Variants in CNTN4 observed in about 807,000 individuals in gnomAD.
CNTN4 encodes the protein contactin-4.
In CNTN4, 77 loss-of-function variants were observed where a neutral mutation model predicts 122.5. That is an observed-to-expected ratio of 0.63 (90% confidence interval 0.52 to 0.76). The LOEUF is 0.76. Ranked by LOEUF, CNTN4 falls within the 30% of genes least tolerant of loss-of-function variation. The pLI, the probability that CNTN4 is intolerant of heterozygous loss-of-function variation, is 0.00. For synonymous variants in CNTN4, 512 were observed against 447.0 expected (o/e 1.15, Z -1.83); for missense variants, 1,256 against 1,259.1 (o/e 1.00, Z 0.04).
At chr3:2,521,020 A>G (rs529687683) in intron 3 of CNTN4, among the ~76,000 whole-genome samples, 1 of 152,132 alleles carries the variant, frequency 6.6e-6, no homozygotes, top group Non-Finnish European at 1.5e-5. Context: ...CAAAAAGGAA[A>G]GGCAGTGTTC....
intron 4 of CNTN4, among the ~76,000 whole-genome samples, chr3:2,579,017 A>T (rs1052147482): frequency 6.6e-6 from 1 of 152,238 alleles, no homozygotes; most frequent in Non-Finnish European, 1.5e-5. Context: ...AAATAGAGGA[A>T]CTGGCAGCGA....
chr3:2,525,616 G>A (rs979585567), intron 3 of CNTN4, among the ~76,000 whole-genome samples: 1 of 152,144 alleles, frequency 6.6e-6, no homozygotes, highest in Non-Finnish European at 1.5e-5. Flanking sequence ...CATTTCTGCA[G>A]AATCTTGTCA....
At chr3:2,477,902 T>G (rs2075876843) in intron 3 of CNTN4, among the ~76,000 whole-genome samples, 1 of 152,190 alleles carries the variant, frequency 6.6e-6, no homozygotes, top group South Asian at 2.1e-4. Flanking sequence ...AATAAAAGGC[T>G]ATTAGTAGGC....
chr3:2,167,943 G>C (rs192051990), intron 2 of CNTN4, among the ~76,000 whole-genome samples: 17 of 152,262 alleles, frequency 1.1e-4, no homozygotes, highest in Admixed American at 5.9e-4. Context: ...GCGTTCAACA[G>C]ACCAAGCAAC....
intron 3 of CNTN4, among the ~76,000 whole-genome samples, chr3:2,347,483 G>C (rs1666333): frequency 0.91 from 134,187 of 147,826 alleles, 61,375 homozygotes; most frequent in East Asian, 1. Flanking sequence ...CATCTCGGCT[G>C]ACTGCAACCT....
chr3:2,311,755 G>A (rs2042923989), intron 2 of CNTN4, among the ~76,000 whole-genome samples: 1 of 152,096 alleles, frequency 6.6e-6, no homozygotes, highest in African/African-American at 2.4e-5. Context: ...ATAATACTTT[G>A]TAAACTGTAT....
At chr3:2,611,309 A>AAAAG (rs1337384686) in intron 4 of CNTN4, among the ~76,000 whole-genome samples, 1 of 138,086 alleles carries the variant, frequency 7.2e-6, no homozygotes, top group Non-Finnish European at 1.5e-5. Flanking sequence ...AAAAAAAAAA[A>AAAAG]AAAGAAAGAA....
chr3:2,544,393 A>G (rs1281303417), intron 3 of CNTN4, among the ~76,000 whole-genome samples: 1 of 152,138 alleles, frequency 6.6e-6, no homozygotes, highest in Admixed American at 6.6e-5. Context: ...AAAATAGTTG[A>G]ATAGAATATT....
intron 3 of CNTN4, among the ~76,000 whole-genome samples, chr3:2,470,317 C>T (rs2075641307): frequency 6.6e-6 from 1 of 152,136 alleles, no homozygotes; most frequent in Non-Finnish European, 1.5e-5. Context: ...CCTCATGATT[C>T]ACCCATGTTG....
At chr3:2,532,268 T>C (rs1054939089) in intron 3 of CNTN4, among the ~76,000 whole-genome samples, 2 of 152,104 alleles carry the variant, frequency 1.3e-5, no homozygotes, top group Admixed American at 1.3e-4. Context: ...TTTGTTTTTT[T>C]GAGAGACAGC....
intron 3 of CNTN4, among the ~76,000 whole-genome samples, chr3:2,441,545 G>A (rs1031840466): frequency 1.3e-5 from 2 of 152,188 alleles, no homozygotes; most frequent in African/African-American, 4.8e-5. Flanking sequence ...CTGCAGAGTA[G>A]CAGGTAATAA....
chr3:2,818,403 A>G (rs893398281), intron 6 of CNTN4, among the ~76,000 whole-genome samples: 1 of 152,194 alleles, frequency 6.6e-6, no homozygotes, highest in African/African-American at 2.4e-5. Flanking sequence ...TCATCATAAA[A>G]TACTTACCAA....
chr3:2,756,847 G>A (rs2090360474), intron 6 of CNTN4, among the ~76,000 whole-genome samples: 1 of 152,194 alleles, frequency 6.6e-6, no homozygotes, highest in Admixed American at 6.5e-5. Context: ...GCCCAGCACT[G>A]CTGACAACTT....
intron 13 of CNTN4, among the ~76,000 whole-genome samples, chr3:2,933,068 C>T (rs544399515): frequency 2.1e-4 from 32 of 152,108 alleles, no homozygotes; most frequent in Admixed American, 3.3e-4. Flanking sequence ...GTGATCCGCC[C>T]GCCTCGGCCT....
rs376399263 is a variant in CNTN4, at chr3:2,846,860, G to A, written c.455-19892G>A. ...AAAAATACAAAATTAGCTGGGTGTGGTGGTGCATGCCTATAATCCCAGCTA... is the reference window on the plus strand; with the variant it reads ...AAAAATACAAAATTAGCTGGGTGTGATGGTGCATGCCTATAATCCCAGCTA... On this transcript the variant is annotated intron_variant, in intron 7 of 24. Coordinates refer to ENST00000418658, the MANE Select transcript of CNTN4 (RefSeq NM_175607.3). Among the ~76,000 whole-genome samples, 30 of 152,262 alleles carry A rather than the reference G, an allele frequency of 2.0e-4. 2 individuals are homozygous for A. The highest frequency in any genetic ancestry group is 7.2e-4 in the African/African-American group (30 of 41,534).
At position 2,417,941 on chromosome 3, in the gene CNTN4, C is replaced by T. The variant is rs535464114; in HGVS notation, c.-89+78708C>T. Reference sequence around the variant, plus strand: ...TGACATTCTGGAAAAGGTAGAATGACTATGGGAAGAGTAAAAAGATCCGTG... The same window carrying T: ...TGACATTCTGGAAAAGGTAGAATGATTATGGGAAGAGTAAAAAGATCCGTG... On this transcript the variant is annotated intron_variant, in intron 3 of 24. Coordinates refer to ENST00000418658, the MANE Select transcript of CNTN4 (RefSeq NM_175607.3). Among the ~76,000 whole-genome samples, 31 of 152,184 alleles carry T rather than the reference C, an allele frequency of 2.0e-4. No individual in the cohort carries two copies. In the South Asian group the frequency reaches 6.2e-3, roughly 31 times the overall value.
intron 12 of CNTN4, among the ~76,000 whole-genome samples, chr3:2,909,086 A>G (rs11129338): frequency 0.57 from 86,534 of 152,088 alleles, 24,849 homozygotes; most frequent in East Asian, 0.69. Context: ...AGGGACTTTC[A>G]CAAGTGCTCA....
intron 6 of CNTN4, among the ~76,000 whole-genome samples, chr3:2,797,678 A>G (rs926996780): frequency 2.8e-4 from 43 of 152,194 alleles, no homozygotes; most frequent in Admixed American, 6.5e-5. Flanking sequence ...CTTTACTGCA[A>G]AGTTTTTTTG....
At chr3:2,614,349 G>A (rs150891640) in intron 4 of CNTN4, among the ~76,000 whole-genome samples, 2,376 of 152,258 alleles carry the variant, frequency 0.016, 62 homozygotes, top group African/African-American at 0.054. Context: ...ATGTAATCCA[G>A]GTGAAAAGGA....
Sources: gnomAD v4.1 joint callset for allele counts (sites outside exome capture counted in the v4.1 genomes callset) on GRCh38, gnomAD v4.1.1 for gene constraint, MANE v1.5 for transcripts, NCBI Gene and HGNC (gene_info 2026-07-23, HGNC 2026-07-21) for gene names.